TNIK: variants seen among roughly 807,000 people sequenced by gnomAD.
TNIK encodes the protein TRAF2 and NCK interacting kinase, also known as TRAF2 and NCK-interacting protein kinase.
TNIK carries 49 observed loss-of-function variants against 191.3 expected under a neutral mutation model. The observed-to-expected ratio is 0.26, with a 90% confidence interval of 0.20 to 0.32. TNIK has a LOEUF of 0.32. Among genes scored for constraint, TNIK ranks in the 10% least tolerant of loss-of-function variants. TNIK has a pLI of 1.00. For synonymous variants in TNIK, 594 were observed against 600.9 expected, an observed-to-expected ratio of 0.99 and a Z score of 0.17; for missense variants, 1,155 against 1,702.3, an observed-to-expected ratio of 0.68 and a Z score of 5.66.
intron 2 of TNIK, among the ~76,000 whole-genome samples, chr3:171,317,341 C>T (rs1754743901): frequency 6.6e-6 from 1 of 152,136 alleles, no homozygotes; most frequent in African/African-American, 2.4e-5. Context: ...TCACAGGCAT[C>T]TGGATAGCAG....
intron 1 of TNIK, among the ~76,000 whole-genome samples, chr3:171,384,889 T>A (rs1718530408): frequency 6.6e-6 from 1 of 152,214 alleles, no homozygotes; most frequent in Non-Finnish European, 1.5e-5. Context: ...TCTTTTCCTA[T>A]CAAGTAGAAA....
chr3:171,267,954 G>T (rs1287340136), intron 2 of TNIK, among the ~76,000 whole-genome samples: 1 of 152,120 alleles, frequency 6.6e-6, no homozygotes, highest in Non-Finnish European at 1.5e-5. Context: ...CCTTGCTGAT[G>T]GCCCCAGAGC....
intron 2 of TNIK, among the ~76,000 whole-genome samples, chr3:171,228,459 C>T (rs985311519): frequency 6.6e-6 from 1 of 152,084 alleles, no homozygotes; most frequent in African/African-American, 2.4e-5. Flanking sequence ...CAATGTTGAA[C>T]AATTTGGTTC....
chr3:171,360,312 T>C (rs1474646870), intron 2 of TNIK, among the ~76,000 whole-genome samples: 2 of 152,220 alleles, frequency 1.3e-5, no homozygotes, highest in Non-Finnish European at 2.9e-5. Context: ...ATGGGTACCT[T>C]AATAATGTTA....
intron 22 of TNIK, among the ~76,000 whole-genome samples, chr3:171,095,505 A>G (rs971515790): frequency 3.3e-5 from 5 of 152,220 alleles, no homozygotes; most frequent in African/African-American, 1.2e-4. Context: ...CTCTCTAGGC[A>G]TATTAATTGC....
intron 1 of TNIK, among the ~76,000 whole-genome samples, chr3:171,440,921 A>G (rs773968805): frequency 6.6e-6 from 1 of 152,212 alleles, no homozygotes; most frequent in Non-Finnish European, 1.5e-5. Context: ...CCTGGCCCCA[A>G]AGTCCTTTCT....
At chr3:171,293,030 C>G (rs1751865019) in intron 2 of TNIK, among the ~76,000 whole-genome samples, 1 of 152,010 alleles carries the variant, frequency 6.6e-6, no homozygotes. Context: ...TCCAGGTGCC[C>G]ACTGCTTTAC....
At chr3:171,111,129 A>C (rs1032622242) in intron 18 of TNIK, among the ~76,000 whole-genome samples, 1 of 152,220 alleles carries the variant, frequency 6.6e-6, no homozygotes, top group African/African-American at 2.4e-5. Flanking sequence ...ATGCAAATTA[A>C]AACCACAATG....
At chr3:171,341,354 C>T (rs1004314539) in intron 2 of TNIK, among the ~76,000 whole-genome samples, 4 of 151,382 alleles carry the variant, frequency 2.6e-5, no homozygotes, top group African/African-American at 9.7e-5. Flanking sequence ...AGGCTGTAAT[C>T]GTAGCTATTT....
At chr3:171,187,332 G>A (rs1170114050) in intron 7 of TNIK, among the ~76,000 whole-genome samples, 1 of 152,100 alleles carries the variant, frequency 6.6e-6, no homozygotes, top group Non-Finnish European at 1.5e-5. Context: ...TTTTTAACTT[G>A]GCAGCTGTTT....
intron 30 of TNIK, 49 bp from the exon 31 acceptor site, chr3:171,066,784 C>T (rs761574279): frequency 6.4e-7 from 1 of 1,570,922 alleles, no homozygotes; most frequent in Non-Finnish European, 8.7e-7. Context: ...AAATAAAACA[C>T]CTTGACTATT....
In TNIK at chr3:171,287,295, C is replaced by A. The variant is rs762266894; in HGVS notation, c.124-59074G>T. On this transcript the variant is annotated intron_variant, in intron 2 of 32. Transcript: ENST00000436636. ...TCAACTATTAGTTATGTTGTCAAGT[C>A]CTATTTTTATCATTGATTCTTTTCA... is the stretch of plus-strand genomic sequence containing the variant. Among the ~76,000 whole-genome samples, 58 of 152,158 alleles carry A rather than the reference C, an allele frequency of 3.8e-4. 1 individual carries two copies. The highest frequency in any genetic ancestry group is 3.9e-4 in the Admixed American group (6 of 15,280).
intron 1 of TNIK, among the ~76,000 whole-genome samples, chr3:171,447,785 T>C (rs1727687132): frequency 6.6e-6 from 1 of 152,196 alleles, no homozygotes; most frequent in Admixed American, 6.5e-5. Flanking sequence ...AAGACTTATA[T>C]ATAAGGATGT....
chr3:171,234,214 A>G (rs1010307923), intron 2 of TNIK, among the ~76,000 whole-genome samples: 2 of 152,202 alleles, frequency 1.3e-5, no homozygotes, highest in Non-Finnish European at 2.9e-5. Context: ...CAACTTTATG[A>G]AAAGACTCCA....
At chr3:171,112,371 A>C (rs1725980209) in intron 18 of TNIK, among the ~76,000 whole-genome samples, 1 of 152,192 alleles carries the variant, frequency 6.6e-6, no homozygotes, top group Admixed American at 6.5e-5. Context: ...CAGCTACTGG[A>C]TGTGTACAGG....
chr3:171,289,830 A>G (rs1421335256), intron 2 of TNIK, among the ~76,000 whole-genome samples: 1 of 147,200 alleles, frequency 6.8e-6, no homozygotes, highest in Non-Finnish European at 1.5e-5. Flanking sequence ...TGAACCCAGG[A>G]GGCAGAGGTT....
intron 1 of TNIK, among the ~76,000 whole-genome samples, chr3:171,423,557 G>T (rs1724104508): frequency 6.6e-6 from 1 of 152,250 alleles, no homozygotes; most frequent in South Asian, 2.1e-4. Context: ...AAAGCTGGAG[G>T]CATCACACTA....
intron 2 of TNIK, among the ~76,000 whole-genome samples, chr3:171,274,377 G>A (rs999670152): frequency 2.0e-5 from 3 of 152,158 alleles, no homozygotes; most frequent in Non-Finnish European, 1.5e-5. Flanking sequence ...TGCTTATAGA[G>A]ACCGAGCCCA....
At position 171,063,466 on chromosome 3, in the gene TNIK, T is replaced by C. The variant is rs1232349202; in HGVS notation, c.*415A>G. 1 of 156,254 alleles carries C rather than the reference T, an allele frequency of 6.4e-6. No individual in the cohort carries two copies. Among genetic ancestry groups the C allele is most frequent in the Non-Finnish European group, 1.4e-5 (1 of 70,926 alleles). The allele number at this position is 156,254 out of a possible 1,614,324, so 9.7% of individuals were successfully genotyped here. ...ACTTAAAACTAGTAGGCAGACAGAATTTAAAAGACTCATTTTCGCAGTATG... is the reference window on the plus strand; with the variant it reads ...ACTTAAAACTAGTAGGCAGACAGAACTTAAAAGACTCATTTTCGCAGTATG... On this transcript the variant is annotated 3_prime_UTR_variant, in exon 33 of 33. Coordinates refer to ENST00000436636, the MANE Select transcript of TNIK (RefSeq NM_015028.4).
Sources: allele counts gnomAD v4.1 joint callset (sites outside exome capture counted in the v4.1 genomes callset), GRCh38; gene constraint gnomAD v4.1.1; transcripts MANE v1.5; gene names NCBI Gene and HGNC (gene_info 2026-07-23, HGNC 2026-07-21).